The following ASTN2 variants were observed in gnomAD, a reference collection of about 807,000 sequenced individuals.
ASTN2 encodes astrotactin-2.
In ASTN2, 54 loss-of-function variants were observed where a neutral mutation model predicts 139.8. The observed-to-expected ratio is 0.39, with a 90% CI of 0.31 to 0.48. ASTN2 has a LOEUF of 0.48. ASTN2 is among the 20% of genes least tolerant of loss of function. The pLI is 0.95. For missense variants in ASTN2, 1,565 were observed against 1,725.1 expected (o/e 0.91, Z 1.64); for synonymous variants, 756 against 719.5 (o/e 1.05, Z -0.81).
chr9:116,632,205 A>AAAAG (rs1554723306), intron 17 of ASTN2, among the ~76,000 whole-genome samples: 1,086 of 45,260 alleles, frequency 0.024, 41 homozygotes, highest in Non-Finnish European at 0.03. Flanking sequence ...AGAAAGAAAG[A>AAAAG]AAAGAAAGAA....
intron 16 of ASTN2, among the ~76,000 whole-genome samples, chr9:116,665,450 G>C (rs803906): frequency 0.63 from 95,714 of 152,008 alleles, 30,959 homozygotes; most frequent in East Asian, 0.87. Flanking sequence ...ACTTGTTTTT[G>C]TCTTTGAAAA....
intron 1 of ASTN2, among the ~76,000 whole-genome samples, chr9:117,347,331 A>T (rs1284332033): frequency 6.6e-6 from 1 of 152,038 alleles, no homozygotes; most frequent in Admixed American, 6.6e-5. Context: ...GCTGTCAACA[A>T]TGAGAGAGCG....
intron 7 of ASTN2, among the ~76,000 whole-genome samples, chr9:116,992,217 C>T (rs575450114): frequency 6.6e-6 from 1 of 152,270 alleles, no homozygotes; most frequent in South Asian, 2.1e-4. Context: ...GCAGCCTCCT[C>T]TCTGCCACTA....
intron 18 of ASTN2, among the ~76,000 whole-genome samples, chr9:116,619,948 T>C (rs1424561268): frequency 6.6e-6 from 1 of 152,130 alleles, no homozygotes; most frequent in Non-Finnish European, 1.5e-5. Flanking sequence ...GAAGAGGTTC[T>C]CCAGTTTTTT....
At chr9:116,560,215 A>G (rs1022207601) in intron 19 of ASTN2, among the ~76,000 whole-genome samples, 1 of 152,156 alleles carries the variant, frequency 6.6e-6, no homozygotes, top group Non-Finnish European at 1.5e-5. Flanking sequence ...CTTGCAATTC[A>G]TTCTCCACAT....
chr9:116,886,342 C>A (rs2132379959), intron 10 of ASTN2, among the ~76,000 whole-genome samples: 1 of 152,358 alleles, frequency 6.6e-6, no homozygotes, highest in Admixed American at 6.5e-5. Flanking sequence ...TGTGGGAAGA[C>A]TGATTCCTCC....
At chr9:117,246,705 T>A (rs886312036) in intron 2 of ASTN2, among the ~76,000 whole-genome samples, 10 of 152,278 alleles carry the variant, frequency 6.6e-5, no homozygotes, top group South Asian at 4.1e-4. Flanking sequence ...CTTAATTCAC[T>A]AAATATTTAC....
chr9:116,520,563 T>A (rs938259000), intron 19 of ASTN2, among the ~76,000 whole-genome samples: 1 of 152,086 alleles, frequency 6.6e-6, no homozygotes, highest in Non-Finnish European at 1.5e-5. Context: ...GGGAAAAAAG[T>A]TGAAAGCATT....
At chr9:116,566,761 G>A (rs1028127468) in intron 19 of ASTN2, among the ~76,000 whole-genome samples, 2 of 152,142 alleles carry the variant, frequency 1.3e-5, no homozygotes, top group African/African-American at 4.8e-5. Flanking sequence ...GGATACTAAG[G>A]CAAGCCCATT....
chr9:116,632,252 G>GAAAGAAAGGAAA (rs1856833378), intron 17 of ASTN2, among the ~76,000 whole-genome samples: 2 of 70,928 alleles, frequency 2.8e-5, no homozygotes, highest in East Asian at 1.1e-3. Flanking sequence ...AAAGAAAGAA[G>GAAAGAAAGGAAA]GAAAGAAAGA....
At chr9:117,166,351 C>G (rs1198322862) in intron 3 of ASTN2, among the ~76,000 whole-genome samples, 1 of 152,078 alleles carries the variant, frequency 6.6e-6, no homozygotes, top group Non-Finnish European at 1.5e-5. Flanking sequence ...CTAACTCATC[C>G]TTTCCGTTGT....
intron 5 of ASTN2, among the ~76,000 whole-genome samples, chr9:117,093,610 A>C (rs1828760729): frequency 6.6e-6 from 1 of 151,992 alleles, no homozygotes. Flanking sequence ...AGGCACCCTA[A>C]CTCCTGCCCA....
At chr9:117,173,339 C>T (rs1051819404) in intron 3 of ASTN2, among the ~76,000 whole-genome samples, 1 of 151,974 alleles carries the variant, frequency 6.6e-6, no homozygotes, top group African/African-American at 2.4e-5. Context: ...ACAAAAAAAT[C>T]AAGCAGGCAA....
chr9:116,565,004 C>G (rs1192159982), intron 19 of ASTN2, among the ~76,000 whole-genome samples: 1 of 152,022 alleles, frequency 6.6e-6, no homozygotes, highest in African/African-American at 2.4e-5. Context: ...CCTAAGCCAG[C>G]TAGAACCAAA....
chr9:116,624,666 A>T (rs183841133), intron 17 of ASTN2, among the ~76,000 whole-genome samples: 1 of 152,324 alleles, frequency 6.6e-6, no homozygotes, highest in East Asian at 1.9e-4. Context: ...TGTAATTTTT[A>T]CACTAAAAAA....
Position 117,135,011 on chromosome 9 carries a change from G to A in ASTN2, c.1168+6315C>T, listed in dbSNP as rs140291881. On this transcript the variant is annotated intron_variant, in intron 4 of 22. Coordinates refer to ENST00000313400, the MANE Select transcript of ASTN2 (RefSeq NM_001365068.1). Reference sequence around the variant, plus strand: ...TCATTCTTAGCTCAGAGAGGGAGATGCCTCACCTTCTAGAGCCTCATAGCT... The same window carrying A: ...TCATTCTTAGCTCAGAGAGGGAGATACCTCACCTTCTAGAGCCTCATAGCT... Among the ~76,000 whole-genome samples the A allele has an allele frequency of 6.4e-3, 982 of 152,312 alleles. 8 individuals carry two copies. Among genetic ancestry groups the A allele is most frequent in the African/African-American group, 0.022 (923 of 41,564 alleles).
chr9:116,689,793 G>A (rs1728864171), intron 16 of ASTN2, among the ~76,000 whole-genome samples: 1 of 152,110 alleles, frequency 6.6e-6, no homozygotes, highest in South Asian at 2.1e-4. Context: ...CAAGACCTGG[G>A]GCTAGATAAG....
At chr9:117,151,472 T>A (rs1453860472) in intron 3 of ASTN2, among the ~76,000 whole-genome samples, 1 of 152,110 alleles carries the variant, frequency 6.6e-6, no homozygotes, top group African/African-American at 2.4e-5. Context: ...ATGAACACTG[T>A]CCCTTTTTAA....
intron 22 of ASTN2, 98 bp downstream of exon 22, chr9:116,440,511 T>G (rs1847809258): frequency 1.7e-6 from 2 of 1,153,348 alleles, no homozygotes; most frequent in Non-Finnish European, 2.5e-6. Context: ...CCTTATTTAC[T>G]TGATAAAGCC....
Sources: gnomAD v4.1 joint callset for allele counts (sites outside exome capture counted in the v4.1 genomes callset) on GRCh38, gnomAD v4.1.1 for gene constraint, MANE v1.5 for transcripts, NCBI Gene and HGNC (gene_info 2026-07-23, HGNC 2026-07-21) for gene names.